TUB: variants seen among roughly 807,000 people sequenced by gnomAD.
TUB encodes the protein TUB bipartite transcription factor, also known as tubby protein homolog.
Under a neutral mutation model 59.7 loss-of-function variants are expected in TUB, and 33 were observed. The ratio of observed to expected loss-of-function variants is 0.55; its 90% confidence interval spans 0.42 to 0.74. The LOEUF (loss-of-function observed/expected upper bound fraction) is 0.74, where lower values mean the gene tolerates loss of function less well. TUB is among the 30% of genes least tolerant of loss of function. The pLI is 0.00. For synonymous variants in TUB, 293 were observed against 256.4 expected, an observed-to-expected ratio of 1.14 and a Z score of -1.36; for missense variants, 659 against 672.0, an observed-to-expected ratio of 0.98 and a Z score of 0.21.
At chr11:8,034,114 T>G (rs555662758), upstream of TUB, among the ~76,000 whole-genome samples, 9 of 152,260 alleles carry the variant, frequency 5.9e-5, no homozygotes, top group South Asian at 1.7e-3. Flanking sequence ...CTCAGGCCAT[T>G]CCAAGAGCCT....
chr11:8,032,128 CT>C (rs1942582763), intron 1 of TUB, among the ~76,000 whole-genome samples: 1 of 151,734 alleles, frequency 6.6e-6, no homozygotes, highest in Admixed American at 6.6e-5. Context: ...CCGGGAGCGC[CT>C]GGGGAAAGGC....
intron 2 of TUB, among the ~76,000 whole-genome samples, chr11:8,074,678 G>T (rs1326965651): frequency 6.6e-6 from 1 of 151,344 alleles, no homozygotes. Flanking sequence ...GTTCAAGGCT[G>T]CAGTGAGCTA....
intron 2 of TUB, among the ~76,000 whole-genome samples, chr11:8,045,384 C>T (rs887374354): frequency 1.3e-5 from 2 of 152,194 alleles, no homozygotes; most frequent in Non-Finnish European, 2.9e-5. Context: ...AGTTATGCAT[C>T]TTCTCCTCCT....
chr11:8,098,604 A>G (rs925890914), intron 8 of TUB, among the ~76,000 whole-genome samples, 154 bp from the exon 9 acceptor site: 2 of 152,210 alleles, frequency 1.3e-5, no homozygotes, highest in Non-Finnish European at 2.9e-5. Flanking sequence ...AAGTGTCTTC[A>G]AAGATGTGGA....
chr11:8,079,747 G>A (rs192044536), upstream of TUB, among the ~76,000 whole-genome samples: 2 of 150,614 alleles, frequency 1.3e-5, 1 homozygote, highest in Admixed American at 1.3e-4. Context: ...ACTGTGATTG[G>A]CCAAAAGGAG....
intron 2 of TUB, among the ~76,000 whole-genome samples, chr11:8,056,967 C>G (rs1048514973): frequency 6.6e-6 from 1 of 152,112 alleles, no homozygotes; most frequent in Non-Finnish European, 1.5e-5. Context: ...ACCATTTTCC[C>G]CCTCAAAGTT....
At chr11:8,025,676 T>G (rs1942491284) in intron 1 of TUB, among the ~76,000 whole-genome samples, 1 of 152,238 alleles carries the variant, frequency 6.6e-6, no homozygotes, top group Admixed American at 6.5e-5. Context: ...CTTTTATTGC[T>G]GAGTAGTATT....
At position 8,103,855 on chromosome 11, in the gene TUB, A is replaced by T. The variant is rs1035722137; in HGVS notation, c.*2236A>T. 1 of 152,410 alleles carries T rather than the reference A, an allele frequency of 6.6e-6. No homozygotes were observed. Among genetic ancestry groups the T allele is most frequent in the Non-Finnish European group, 1.5e-5 (1 of 68,062 alleles). 9.4% of individuals were successfully genotyped at this position (152,410 alleles called of 1,614,324 possible). The stretch of plus-strand genomic sequence containing the variant: ...CTGGTGAGACGGAGACCCCGGTGGC[A>T]GTGGAAAAATCAGAAGCACAAAGGA... On this transcript the variant is annotated 3_prime_UTR_variant, in exon 12 of 12. Coordinates refer to ENST00000299506, the MANE Select transcript of TUB (RefSeq NM_177972.3).
Position 8,021,575 on chromosome 11 carries a change from GC to G in TUB, c.56+2218del, listed in dbSNP as rs368339893. ...TGGTATAAATTGCTGTTTTATTAAT[GC>G]ATATTGTAAACGTTTCTGGAACTCT... On this transcript the variant is annotated intron_variant, in intron 1 of 11. Transcript: ENST00000534099. Among the ~76,000 whole-genome samples the G allele has an allele frequency of 1.1e-4, 16 of 152,224 alleles. No homozygotes were observed. The East Asian group carries it at 3.1e-3, about 29-fold the overall frequency.
chr11:8,067,211 G>A (rs1236798346), intron 2 of TUB, among the ~76,000 whole-genome samples: 3 of 152,144 alleles, frequency 2.0e-5, no homozygotes, highest in Admixed American at 6.5e-5. Flanking sequence ...AAAATACTGC[G>A]CATATGAGAG....
chr11:8,057,565 C>T (rs532209208), intron 2 of TUB, among the ~76,000 whole-genome samples: 157 of 152,284 alleles, frequency 1.0e-3, no homozygotes, highest in Non-Finnish European at 1.9e-3. Flanking sequence ...TGAAGACCTT[C>T]CTCTGGGGCC....
chr11:8,027,083 C>G (rs1942509768), intron 1 of TUB, among the ~76,000 whole-genome samples: 2 of 152,042 alleles, frequency 1.3e-5, no homozygotes, highest in South Asian at 2.1e-4. Flanking sequence ...AGTGTATAGC[C>G]TGTATTGGGA....
At position 8,081,419 on chromosome 11, in the gene TUB, C is replaced by G. The variant is rs867708190; in HGVS notation, c.-92C>G. 3 of 1,105,246 alleles carry G rather than the reference C, an allele frequency of 2.7e-6. No homozygotes were observed. Among genetic ancestry groups the G allele is most frequent in the Middle Eastern group, 3.9e-4 (1 of 2,544 alleles). 68.5% of individuals were successfully genotyped at this position (1,105,246 alleles called of 1,614,324 possible). A position where few individuals can be genotyped will look rare whatever the true frequency, so the allele number is the denominator to read the frequency against. On this transcript the variant is annotated 5_prime_UTR_variant, in exon 1 of 12. Coordinates refer to ENST00000299506, the MANE Select transcript of TUB (RefSeq NM_177972.3). ...CGCCCCGGCCCGGGAGGATGCGGCC[C>G]GGGGCGGCCCGGGAGCTGAGCAGGG...
At chr11:8,079,072 G>A (rs564305801), upstream of TUB, among the ~76,000 whole-genome samples, 19 of 152,178 alleles carry the variant, frequency 1.2e-4, no homozygotes, top group African/African-American at 4.6e-4. Context: ...CCTTAGGACA[G>A]AGCCTAAACT....
At chr11:8,047,207 G>T (rs1942848692) in intron 2 of TUB, among the ~76,000 whole-genome samples, 1 of 152,068 alleles carries the variant, frequency 6.6e-6, no homozygotes, top group Non-Finnish European at 1.5e-5. Context: ...CTTCACCTGT[G>T]ACTCCTTCCA....
At chr11:8,075,444 T>C (rs1043054532) in intron 2 of TUB, 24 of 152,338 alleles carry the variant, frequency 1.6e-4, no homozygotes, top group African/African-American at 5.0e-4. Context: ...AAATGGGGAT[T>C]ATAATAGTAC....
rs1441198278 is a variant in TUB at position 8,094,146 on chromosome 11, C to T, written c.354C>T (p.Gly118=). The T allele has an allele frequency of 6.2e-7, 1 of 1,614,024 alleles. No individual in the cohort carries two copies. The highest frequency in any genetic ancestry group is 8.5e-7 in the Non-Finnish European group (1 of 1,179,974). The change falls in exon 4 of 12, where the codon GGC becomes GGT. Residue 118 remains glycine, a synonymous_variant. Coordinates refer to ENST00000299506, the MANE Select transcript of TUB (RefSeq NM_177972.3). ...CCAAGGCGGCAGCTACAGCAGGGGG[C>T]CAGGGTGGCGCCGCTAGGAAGGAGA... The part of the protein sequence containing the change: ...KRTKAAATAG[G]QGGAARKEKK...
intron 2 of TUB, among the ~76,000 whole-genome samples, chr11:8,059,150 G>A (rs1943074983): frequency 1.3e-5 from 2 of 152,138 alleles, no homozygotes; most frequent in African/African-American, 4.8e-5. Context: ...GCTGTGGCTT[G>A]TCACTAGATC....
At chr11:8,021,340 C>T (rs55847208) in intron 1 of TUB, among the ~76,000 whole-genome samples, 20,677 of 152,036 alleles carry the variant, frequency 0.14, 1,637 homozygotes, top group African/African-American at 0.19. Flanking sequence ...CATGGAGGTG[C>T]ACGCCTGTAA....
Sources: allele counts gnomAD v4.1 joint callset (sites outside exome capture counted in the v4.1 genomes callset), GRCh38; gene constraint gnomAD v4.1.1; transcripts MANE v1.5; gene names NCBI Gene and HGNC (gene_info 2026-07-23, HGNC 2026-07-21).